The following WWC2 variants were observed in gnomAD, a reference collection of about 807,000 sequenced individuals.
WWC2 encodes the protein WW and C2 domain containing 2.
In WWC2, 101 loss-of-function variants were observed where a neutral mutation model predicts 138.5. That is an observed-to-expected ratio of 0.73 (90% CI 0.62 to 0.86). The LOEUF (loss-of-function observed/expected upper bound fraction) is 0.86, where lower values mean the gene tolerates loss of function less well. Ranked by LOEUF, WWC2 falls within the 40% of genes least tolerant of loss-of-function variation. The pLI, the probability that WWC2 is intolerant of heterozygous loss-of-function variation, is 0.00. For synonymous variants in WWC2, 558 were observed against 538.4 expected, an observed-to-expected ratio of 1.04 and a Z score of -0.50; for missense variants, 1,420 against 1,419.4, an observed-to-expected ratio of 1.00 and a Z score of -0.01.
intron 21 of WWC2, among the ~76,000 whole-genome samples, chr4:183,296,955 AAAAAAAAAAAAAAATT>A (rs1237190831): frequency 6.7e-6 from 1 of 149,992 alleles, no homozygotes; most frequent in East Asian, 1.9e-4. Context: ...AAAAAAAAAA[AAAAAAAAAAAAAAATT>A]ATTTCTTAAT....
At chr4:183,226,992 C>T (rs757920903) in intron 4 of WWC2, among the ~76,000 whole-genome samples, 7 of 151,938 alleles carry the variant, frequency 4.6e-5, no homozygotes, top group Non-Finnish European at 1.0e-4. Flanking sequence ...TATTGTGTCC[C>T]TTTCTTGGTC....
rs767724279 is a variant in WWC2, at chr4:183,261,340, T to C, written c.1717T>C (p.Ser573Pro). The C allele has an allele frequency of 6.2e-7, 1 of 1,613,476 alleles. No homozygotes were observed. The highest frequency in any genetic ancestry group is 8.5e-7 in the Non-Finnish European group (1 of 1,179,708). ...VLEGTFPMSSSHDASLHQFTA... is the reference protein window; with the variant it reads ...VLEGTFPMSSPHDASLHQFTA... ...GGAAGGCACGTTTCCCATGTCTTCT[T>C]CTCATGATGCCTCTCTCCATCAGTT... is the stretch of plus-strand genomic sequence containing the variant. Residue 573 changes from serine (S) to proline (P), a missense_variant, in exon 11 of 23, where the codon TCT becomes CCT. By Grantham distance (74) the Ser-to-Pro change is moderately conservative. Transcript: ENST00000403733.
rs1580153700 is a variant in WWC2, at chr4:183,289,732, T to G, written c.3384+97T>G. ...CCAACTTACACTTCTGTTTTGCGCATAAGTCTTTAGATGTTTTACTACAGC... is the reference window on the plus strand; with the variant it reads ...CCAACTTACACTTCTGTTTTGCGCAGAAGTCTTTAGATGTTTTACTACAGC... On this transcript the variant is annotated intron_variant, in intron 21 of 22. Coordinates refer to ENST00000403733, the MANE Select transcript of WWC2 (RefSeq NM_024949.6). The G allele has an allele frequency of 1.1e-5, 17 of 1,510,534 alleles. No individual in the cohort carries two copies. In the East Asian group the frequency reaches 1.1e-4, roughly 10 times the overall value. 93.6% of individuals were successfully genotyped at this position (1,510,534 alleles called of 1,614,324 possible). A position where few individuals can be genotyped will look rare whatever the true frequency, so the allele number is the denominator to read the frequency against.
intron 21 of WWC2, among the ~76,000 whole-genome samples, chr4:183,296,190 A>G (rs1738624992): frequency 6.6e-6 from 1 of 152,184 alleles, no homozygotes; most frequent in Non-Finnish European, 1.5e-5. Context: ...AACCCAACAT[A>G]CTTGTGTACA....
At chr4:183,127,804 T>A (rs1732805026) in intron 1 of WWC2, among the ~76,000 whole-genome samples, 1 of 152,056 alleles carries the variant, frequency 6.6e-6, no homozygotes, top group African/African-American at 2.4e-5. Flanking sequence ...AAAATCTAAA[T>A]TGAAAACATA....
intron 1 of WWC2, among the ~76,000 whole-genome samples, chr4:183,111,814 C>G (rs1179224336): frequency 6.6e-6 from 1 of 151,970 alleles, no homozygotes; most frequent in East Asian, 1.9e-4. Flanking sequence ...CCCACCTCAG[C>G]CTCTGGAGTA....
intron 4 of WWC2, among the ~76,000 whole-genome samples, chr4:183,234,621 G>A (rs1217340155): frequency 6.6e-6 from 1 of 152,164 alleles, no homozygotes; most frequent in African/African-American, 2.4e-5. Flanking sequence ...GATAGACTGT[G>A]ATAGCAGGGT....
intron 2 of WWC2, among the ~76,000 whole-genome samples, chr4:183,206,935 G>T (rs1735463424): frequency 6.6e-6 from 1 of 152,190 alleles, no homozygotes; most frequent in Non-Finnish European, 1.5e-5. Context: ...TTCATGTTTT[G>T]TGGCCCCTAC....
chr4:183,237,613 G>A (rs1371234395), intron 4 of WWC2, among the ~76,000 whole-genome samples: 1 of 151,804 alleles, frequency 6.6e-6, no homozygotes, highest in African/African-American at 2.4e-5. Context: ...ACCTCTCTTT[G>A]TATTTATAAA....
Position 183,319,268 on chromosome 4 carries a change from T to G in WWC2, c.*3539T>G. On this transcript the variant is annotated 3_prime_UTR_variant, in exon 23 of 23. Transcript: ENST00000403733. The stretch of plus-strand genomic sequence containing the variant: ...TATGAATAATACCTTCAAAGATACA[T>G]AGAGATTAATGTTTTATTTACCACT... 9.6e-6 allele frequency: 3 copies of G among 311,788 alleles called. No individual in the cohort carries two copies. Among genetic ancestry groups the G allele is most frequent in the Non-Finnish European group, 1.8e-5 (3 of 170,920 alleles). The allele number at this position is 311,788 out of a possible 1,614,324, so 19.3% of individuals were successfully genotyped here. A position where few individuals can be genotyped will look rare whatever the true frequency, so the allele number is the denominator to read the frequency against.
At chr4:183,158,750 GTTAAA>G (rs1251406699) in intron 1 of WWC2, among the ~76,000 whole-genome samples, 1 of 152,038 alleles carries the variant, frequency 6.6e-6, no homozygotes, top group Non-Finnish European at 1.5e-5. Flanking sequence ...TTTTACCCCT[GTTAAA>G]TCATTAGAAA....
intron 2 of WWC2, among the ~76,000 whole-genome samples, chr4:183,207,583 C>G (rs1221145814): frequency 6.6e-6 from 1 of 152,096 alleles, no homozygotes; most frequent in South Asian, 2.1e-4. Flanking sequence ...GGCAGTGTGT[C>G]TACAGTCCTG....
At chr4:183,203,749 T>C (rs1342007024) in intron 2 of WWC2, 2 of 152,236 alleles carry the variant, frequency 1.3e-5, no homozygotes, top group African/African-American at 2.4e-5. Flanking sequence ...AGTTCTCTAG[T>C]AGAATCTTAG....
chr4:183,280,305 A>C (rs1738027475), intron 16 of WWC2, among the ~76,000 whole-genome samples: 1 of 141,844 alleles, frequency 7.1e-6, no homozygotes, highest in Admixed American at 7.8e-5. Context: ...AGGAATGGCA[A>C]ATGCCATGAC....
At chr4:183,107,186 C>T (rs190095232) in intron 1 of WWC2, among the ~76,000 whole-genome samples, 55 of 151,964 alleles carry the variant, frequency 3.6e-4, no homozygotes, top group Admixed American at 9.2e-4. Flanking sequence ...GAGACGGAGC[C>T]GGTCTCTCTT....
chr4:183,165,058 C>T (rs1421004295), intron 1 of WWC2, among the ~76,000 whole-genome samples: 2 of 152,172 alleles, frequency 1.3e-5, no homozygotes, highest in African/African-American at 4.8e-5. Context: ...CACAAACATT[C>T]CTGGGTCTGT....
chr4:183,196,167 C>T (rs868581573), intron 2 of WWC2, among the ~76,000 whole-genome samples: 2 of 152,134 alleles, frequency 1.3e-5, no homozygotes, highest in Non-Finnish European at 2.9e-5. Context: ...ACACTGGGGC[C>T]GTGCTTGTAT....
intron 1 of WWC2, among the ~76,000 whole-genome samples, chr4:183,175,410 C>T (rs953016121): frequency 5.3e-5 from 8 of 151,958 alleles, no homozygotes; most frequent in African/African-American, 1.2e-4. Context: ...CACAGGCACA[C>T]GCCACCACAC....
chr4:183,250,596 T>TCAA (rs760285023), intron 8 of WWC2, among the ~76,000 whole-genome samples: 1 of 152,030 alleles, frequency 6.6e-6, no homozygotes, highest in South Asian at 2.1e-4. Flanking sequence ...AACTTCCGTC[T>TCAA]CAACAACAAC....
Sources: allele counts gnomAD v4.1 joint callset (sites outside exome capture counted in the v4.1 genomes callset), GRCh38; gene constraint gnomAD v4.1.1; transcripts MANE v1.5; gene names NCBI Gene and HGNC (gene_info 2026-07-23, HGNC 2026-07-21).